Variants in VPS13D observed in about 807,000 individuals in gnomAD.
The protein encoded by VPS13D is intermembrane lipid transfer protein VPS13D.
VPS13D carries 187 observed loss-of-function variants against 461.9 expected under a neutral mutation model. The ratio of observed to expected loss-of-function variants is 0.40; its 90% CI spans 0.36 to 0.46. VPS13D has a LOEUF of 0.46. Among genes scored for constraint, VPS13D ranks in the 20% least tolerant of loss-of-function variants. The pLI, the probability that VPS13D is intolerant of heterozygous loss-of-function variation, is 0.60. For missense variants in VPS13D, 4,711 were observed against 5,364.9 expected, an observed-to-expected ratio of 0.88 and a Z score of 3.81; for synonymous variants, 1,951 against 1,986.3, an observed-to-expected ratio of 0.98 and a Z score of 0.47.
At chr1:12,261,800 A>C in intron 12 of VPS13D, 101 bp from the exon 13 acceptor site, 1 of 1,036,852 alleles carries the variant, frequency 9.6e-7, no homozygotes, top group Non-Finnish European at 1.4e-6. Flanking sequence ...CAAAGGGAAA[A>C]ATAGTTAAAT....
chr1:12,376,926 G>T (rs1436272756), intron 55 of VPS13D, among the ~76,000 whole-genome samples: 1 of 152,124 alleles, frequency 6.6e-6, no homozygotes, highest in Non-Finnish European at 1.5e-5. Context: ...TCACATGTTG[G>T]ACCTACCATC....
intron 60 of VPS13D, 28 bp from the exon 61 acceptor site, chr1:12,400,153 T>G (rs761596005): frequency 1.9e-6 from 3 of 1,606,506 alleles, no homozygotes; most frequent in South Asian, 2.2e-5. Flanking sequence ...GTTTTTGTTT[T>G]TGCTTTGCTA....
intron 47 of VPS13D, among the ~76,000 whole-genome samples, 180 bp downstream of exon 47, chr1:12,354,401 G>A (rs535012866): frequency 1.3e-5 from 2 of 152,296 alleles, no homozygotes; most frequent in South Asian, 4.1e-4. Flanking sequence ...GGTGGCGGCA[G>A]TACATGCCTG....
chr1:12,244,472 G>T, intron 4 of VPS13D, 36 bp downstream of exon 4: 1 of 1,614,060 alleles, frequency 6.2e-7, no homozygotes, highest in Non-Finnish European at 8.5e-7. Context: ...AAGAGCAGTT[G>T]TGGTGACACG....
At position 12,283,336 on chromosome 1, in the gene VPS13D, C is replaced by T. The variant is rs779308595; in HGVS notation, c.5234C>T (p.Ala1745Val). 53 of 1,614,012 alleles carry T rather than the reference C, an allele frequency of 3.3e-5. No homozygotes were observed. Among genetic ancestry groups the T allele is most frequent in the Non-Finnish European group, 3.9e-5 (46 of 1,180,022 alleles). Residue 1745 changes from alanine to valine, a missense_variant, in exon 21 of 70, where the codon GCG becomes GTG. Ala to Val is a moderately conservative substitution (Grantham distance 64). This residue lies in a region of VPS13D where 4,411 missense variants were observed against 4,937.8 expected (regional missense o/e 0.89). Transcript: ENST00000620676. ...VFQLYQRPTS[A>V]SRKKQKEVQD... ...CAGTTGTATCAAAGGCCCACCTCTG[C>T]GTCCCGGAAAAAGCAAAAGGAAGTC...
intron 34 of VPS13D, among the ~76,000 whole-genome samples, chr1:12,323,189 C>T (rs930614821): frequency 5.3e-5 from 8 of 152,202 alleles, no homozygotes; most frequent in Admixed American, 1.3e-4. Flanking sequence ...CACTCCTCAG[C>T]CTCCTGAGTA....
intron 13 of VPS13D, among the ~76,000 whole-genome samples, chr1:12,266,587 A>G (rs1641275541): frequency 6.6e-6 from 1 of 152,210 alleles, no homozygotes; most frequent in Non-Finnish European, 1.5e-5. Flanking sequence ...GCTATTGCAC[A>G]CTCAGTACAC....
intron 67 of VPS13D, among the ~76,000 whole-genome samples, chr1:12,482,391 T>C (rs917690030): frequency 6.6e-6 from 1 of 152,260 alleles, no homozygotes; most frequent in Non-Finnish European, 1.5e-5. Context: ...ATTTGCACTC[T>C]TCATGCTTTG....
intron 67 of VPS13D, among the ~76,000 whole-genome samples, chr1:12,468,540 A>T (rs1045210153): frequency 1.3e-5 from 2 of 152,200 alleles, no homozygotes; most frequent in African/African-American, 4.8e-5. Context: ...TGTATTACAG[A>T]TTATGGCTCG....
chr1:12,308,591 C>G lies in VPS13D; in HGVS notation c.6600C>G (p.Leu2200=). ...TTGTGCGACAGACAGGAGGAAGCCT[C>G]TTAACCGAGCCTTGTAGGCTGAAAT... ...SYFVRQTGGS[L]LTEPCRLKLQ... Residue 2200 remains leucine (L), a synonymous_variant, in exon 27 of 70, where the codon CTC becomes CTG. Coordinates refer to ENST00000620676, the MANE Select transcript of VPS13D (RefSeq NM_015378.4). 3 of 1,613,492 alleles carry G rather than the reference C, an allele frequency of 1.9e-6. No homozygotes were observed. Among genetic ancestry groups the G allele is most frequent in the Non-Finnish European group, 2.5e-6 (3 of 1,179,980 alleles).
At chr1:12,323,963 C>T (rs1214604412) in intron 35 of VPS13D, among the ~76,000 whole-genome samples, 183 bp downstream of exon 35, 1 of 152,158 alleles carries the variant, frequency 6.6e-6, no homozygotes, top group Non-Finnish European at 1.5e-5. Flanking sequence ...GGCTGGAGTG[C>T]AGTGGCGCCA....
At chr1:12,449,465 T>C (rs1049838372) in intron 65 of VPS13D, among the ~76,000 whole-genome samples, 1 of 152,152 alleles carries the variant, frequency 6.6e-6, no homozygotes, top group African/African-American at 2.4e-5. Flanking sequence ...GAGGACTAGC[T>C]GTTTGGTTTG....
intron 65 of VPS13D, among the ~76,000 whole-genome samples, chr1:12,434,064 A>G (rs1396091496): frequency 6.6e-6 from 1 of 152,130 alleles, no homozygotes; most frequent in Non-Finnish European, 1.5e-5. Flanking sequence ...ACAGAAGAAA[A>G]CAAATTAGAG....
In VPS13D at chr1:12,386,327, A is replaced by T. The variant is rs1644350739; in HGVS notation, c.11627A>T (p.Asp3876Val). ...TSHMLELSIQ[D>V]VQVDNQLIGT... ...CACATGCTTGAACTCAGCATACAGG[A>T]TGTACAGGTAAGGGGGAAGTTCCAA... Residue 3876 changes from aspartate to valine, a missense_variant, in exon 60 of 70, where the codon GAT (aspartate) becomes GTT (valine). Asp to Val is a radical substitution (Grantham distance 152, BLOSUM62 -3). Coordinates refer to ENST00000620676, the MANE Select transcript of VPS13D (RefSeq NM_015378.4). The T allele has an allele frequency of 6.2e-7, 1 of 1,604,918 alleles. No individual in the cohort carries two copies.
chr1:12,439,364 A>G (rs955430432), intron 65 of VPS13D, among the ~76,000 whole-genome samples: 7 of 152,068 alleles, frequency 4.6e-5, no homozygotes, highest in Admixed American at 4.6e-4. Context: ...TTCTATGGCC[A>G]CATGGTTTTC....
intron 29 of VPS13D, among the ~76,000 whole-genome samples, chr1:12,312,465 T>C (rs1485349266): frequency 6.6e-6 from 1 of 152,180 alleles, no homozygotes; most frequent in Non-Finnish European, 1.5e-5. Flanking sequence ...GCCAACATTT[T>C]CAAAGTTAGG....
intron 60 of VPS13D, among the ~76,000 whole-genome samples, chr1:12,389,971 C>T (rs1644402518): frequency 1.3e-5 from 2 of 152,152 alleles, no homozygotes; most frequent in South Asian, 4.1e-4. Context: ...GGTCAGTCAC[C>T]CCAGCCAACA....
intron 65 of VPS13D, among the ~76,000 whole-genome samples, chr1:12,452,192 G>A (rs2100384274): frequency 6.6e-6 from 1 of 152,308 alleles, no homozygotes; most frequent in Admixed American, 6.5e-5. Context: ...GGATTGCTTG[G>A]TTGACTGGGT....
intron 60 of VPS13D, among the ~76,000 whole-genome samples, chr1:12,390,717 G>A (rs1335843125): frequency 6.6e-6 from 1 of 152,242 alleles, no homozygotes; most frequent in Admixed American, 6.5e-5. Context: ...CGAGGGCTCA[G>A]TGTTGGTCTC....
Sources: allele counts gnomAD v4.1 joint callset (sites outside exome capture counted in the v4.1 genomes callset), GRCh38; gene constraint gnomAD v4.1.1; regional missense constraint gnomAD v4.1.1; transcripts MANE v1.5; gene names NCBI Gene and HGNC (gene_info 2026-07-23, HGNC 2026-07-21).